RBM20: variants seen among roughly 807,000 people sequenced by gnomAD.
RBM20 encodes RNA-binding protein 20.
A neutral mutation model predicts 110.1 loss-of-function variants in RBM20; 51 were observed. The observed-to-expected ratio is 0.46, with a 90% CI of 0.37 to 0.59. The LOEUF (loss-of-function observed/expected upper bound fraction) is 0.59. Ranked by LOEUF, RBM20 falls within the 20% of genes least tolerant of loss-of-function variation. The probability of loss-of-function intolerance (pLI) is 0.00; values close to 1 mark genes in which losing one functional copy is unlikely to be tolerated. For missense variants in RBM20, 1,512 were observed against 1,574.9 expected (o/e 0.96, Z 0.68); for synonymous variants, 589 against 618.2 (o/e 0.95, Z 0.70).
chr10:110,699,399 A>T (rs75439935), intron 1 of RBM20, among the ~76,000 whole-genome samples: 20,702 of 151,434 alleles, frequency 0.14, 1,699 homozygotes, highest in African/African-American at 0.21. Flanking sequence ...AGTCTCCCAA[A>T]TAGCTGAGAT....
chr10:110,658,789 G>T (rs1463315715), intron 1 of RBM20, among the ~76,000 whole-genome samples: 1 of 151,790 alleles, frequency 6.6e-6, no homozygotes. Flanking sequence ...AGAACTTCCT[G>T]TCCTCTCTTG....
intron 1 of RBM20, among the ~76,000 whole-genome samples, chr10:110,721,221 G>A (rs893913792): frequency 6.6e-6 from 1 of 152,188 alleles, no homozygotes; most frequent in African/African-American, 2.4e-5. Context: ...CTACTGGAAT[G>A]TCATTTCCAT....
At chr10:110,796,948 G>T (rs1433765295) in intron 5 of RBM20, among the ~76,000 whole-genome samples, 1 of 152,164 alleles carries the variant, frequency 6.6e-6, no homozygotes, top group Non-Finnish European at 1.5e-5. Flanking sequence ...ACATATTGGG[G>T]TGCTATTATT....
chr10:110,812,260 T>C lies in RBM20; in HGVS notation c.1881-18T>C. On this transcript the variant is annotated intron_variant, in intron 8 of 13. Coordinates refer to ENST00000369519, the MANE Select transcript of RBM20 (RefSeq NM_001134363.3). ...GAGGTGTGAAGATTCTAAATCCTGC[T>C]CCTTGGCTCCCTCACAGATATGGCC... 1 of 1,527,726 alleles carries C rather than the reference T, an allele frequency of 6.5e-7. No homozygotes were observed. The highest frequency in any genetic ancestry group is 2.5e-5 in the East Asian group (1 of 40,564). 94.6% of individuals were successfully genotyped at this position (1,527,726 alleles called of 1,614,324 possible).
intron 1 of RBM20, among the ~76,000 whole-genome samples, chr10:110,683,348 CT>C (rs1373383881): frequency 6.6e-6 from 1 of 152,220 alleles, no homozygotes; most frequent in Non-Finnish European, 1.5e-5. Context: ...ACAGCTGGTG[CT>C]GGTTGAGTTG....
At chr10:110,817,441 A>G (rs1404308957) in intron 9 of RBM20, among the ~76,000 whole-genome samples, 1 of 152,086 alleles carries the variant, frequency 6.6e-6, no homozygotes, top group East Asian at 1.9e-4. Flanking sequence ...ACAAGACCCA[A>G]CCATGCGGGA....
chr10:110,684,572 A>G (rs1269904980), intron 1 of RBM20, among the ~76,000 whole-genome samples: 1 of 152,212 alleles, frequency 6.6e-6, no homozygotes, highest in Non-Finnish European at 1.5e-5. Context: ...AAGCCTCATA[A>G]ACTACAGCTT....
chr10:110,771,388 G>A (rs185340623), intron 1 of RBM20, among the ~76,000 whole-genome samples: 7 of 152,176 alleles, frequency 4.6e-5, no homozygotes, highest in East Asian at 1.9e-4. Flanking sequence ...CTCACCCTCC[G>A]AAAGTGCTGG....
chr10:110,802,591 A>ATTG (rs1177673129), intron 7 of RBM20, among the ~76,000 whole-genome samples: 2 of 152,174 alleles, frequency 1.3e-5, no homozygotes, highest in Non-Finnish European at 2.9e-5. Context: ...AACGGCAGTA[A>ATTG]TTGGCTTCTT....
At chr10:110,800,205 GA>G (rs1844604679) in intron 7 of RBM20, among the ~76,000 whole-genome samples, 1 of 152,194 alleles carries the variant, frequency 6.6e-6, no homozygotes, top group South Asian at 2.1e-4. Flanking sequence ...AGTCAGAAGG[GA>G]AAGGTGCTGA....
chr10:110,743,424 G>T (rs1189841820), intron 1 of RBM20, among the ~76,000 whole-genome samples: 3 of 152,094 alleles, frequency 2.0e-5, no homozygotes. Flanking sequence ...ATTTTATGTT[G>T]CATGTGATAA....
intron 1 of RBM20, among the ~76,000 whole-genome samples, chr10:110,760,878 G>C (rs1239922985): frequency 3.3e-5 from 5 of 151,058 alleles, no homozygotes; most frequent in Non-Finnish European, 4.4e-5. Flanking sequence ...CAGATCATGA[G>C]GTCAGGAGTT....
chr10:110,787,220 G>A (rs1046076087), intron 5 of RBM20, among the ~76,000 whole-genome samples: 2 of 152,178 alleles, frequency 1.3e-5, no homozygotes, highest in African/African-American at 2.4e-5. Context: ...ATTATTCCTC[G>A]AATCTCAGAA....
chr10:110,650,708 C>T (rs1470419442), intron 1 of RBM20, among the ~76,000 whole-genome samples: 2 of 152,222 alleles, frequency 1.3e-5, no homozygotes, highest in African/African-American at 2.4e-5. Flanking sequence ...ACCTGGAAAC[C>T]TCCAATTGCT....
chr10:110,798,857 T>C (rs1844585642), intron 6 of RBM20, among the ~76,000 whole-genome samples: 1 of 152,126 alleles, frequency 6.6e-6, no homozygotes, highest in Non-Finnish European at 1.5e-5. Flanking sequence ...GTCAGTATAG[T>C]ACAAACCAAA....
At chr10:110,716,402 T>G (rs999718155) in intron 1 of RBM20, among the ~76,000 whole-genome samples, 3 of 152,244 alleles carry the variant, frequency 2.0e-5, no homozygotes, top group African/African-American at 7.2e-5. Context: ...CTCAATTATG[T>G]AACATCTGGC....
At chr10:110,791,520 A>G (rs1053822341) in intron 5 of RBM20, among the ~76,000 whole-genome samples, 1 of 152,222 alleles carries the variant, frequency 6.6e-6, no homozygotes. Context: ...TCATCTGTGA[A>G]GGCTATTTCT....
chr10:110,742,551 A>T (rs751437117), intron 1 of RBM20, among the ~76,000 whole-genome samples: 2 of 152,160 alleles, frequency 1.3e-5, no homozygotes, highest in Non-Finnish European at 2.9e-5. Context: ...TGGAGCTACT[A>T]AAGGAAAGAA....
chr10:110,661,407 C>A (rs1188330892), intron 1 of RBM20, among the ~76,000 whole-genome samples: 2 of 152,124 alleles, frequency 1.3e-5, no homozygotes, highest in African/African-American at 4.8e-5. Context: ...TTGGTGGGAT[C>A]TTGATGGTGG....
Sources: allele counts gnomAD v4.1 joint callset (sites outside exome capture counted in the v4.1 genomes callset), GRCh38; gene constraint gnomAD v4.1.1; transcripts MANE v1.5; gene names NCBI Gene and HGNC (gene_info 2026-07-23, HGNC 2026-07-21).